Variants in GAREM1 observed in about 807,000 individuals in gnomAD.
GAREM1 encodes the protein GRB2 associated regulator of MAPK1 subtype 1.
In GAREM1, 26 loss-of-function variants were observed where a neutral mutation model predicts 71.3. The ratio of observed to expected loss-of-function variants is 0.36; its 90% CI spans 0.27 to 0.51. The LOEUF (loss-of-function observed/expected upper bound fraction) is 0.51. Among genes scored for constraint, GAREM1 ranks in the 20% least tolerant of loss-of-function variants. GAREM1 has a pLI of 0.95. For synonymous variants in GAREM1, 440 were observed against 433.2 expected, an observed-to-expected ratio of 1.02 and a Z score of -0.20; for missense variants, 1,026 against 1,103.1, an observed-to-expected ratio of 0.93 and a Z score of 0.99.
At chr18:32,355,251 C>T (rs552428260) in intron 2 of GAREM1, among the ~76,000 whole-genome samples, 11 of 152,164 alleles carry the variant, frequency 7.2e-5, no homozygotes, top group African/African-American at 2.2e-4. Context: ...CAAAATTTTA[C>T]AAATCTACAT....
At chr18:32,364,026 A>ATATATATATATT (rs1336753011) in intron 2 of GAREM1, among the ~76,000 whole-genome samples, 8 of 46,398 alleles carry the variant, frequency 1.7e-4, no homozygotes, top group Admixed American at 2.2e-4. Flanking sequence ...ATATATATAT[A>ATATATATATATT]TGTTTTTTTT....
intron 1 of GAREM1, among the ~76,000 whole-genome samples, chr18:32,394,105 C>T (rs2048228753): frequency 1.3e-5 from 2 of 152,154 alleles, no homozygotes; most frequent in African/African-American, 4.8e-5. Context: ...AACAGTAATG[C>T]AACAATCTTT....
chr18:32,384,896 G>T (rs970920943), intron 2 of GAREM1, among the ~76,000 whole-genome samples: 1 of 152,112 alleles, frequency 6.6e-6, no homozygotes. Flanking sequence ...ACCAATGTGT[G>T]AAAGATACAT....
chr18:32,400,945 C>G (rs770080328), intron 1 of GAREM1, among the ~76,000 whole-genome samples: 3 of 151,980 alleles, frequency 2.0e-5, no homozygotes, highest in Non-Finnish European at 4.4e-5. Flanking sequence ...CAATGATAGA[C>G]AGGATTAAGA....
At chr18:32,305,923 C>G (rs2047250725) in intron 3 of GAREM1, among the ~76,000 whole-genome samples, 1 of 152,194 alleles carries the variant, frequency 6.6e-6, no homozygotes, top group Non-Finnish European at 1.5e-5. Context: ...AGAACCTCAA[C>G]TCTCATTAAA....
chr18:32,369,062 C>T (rs2047952800), intron 2 of GAREM1, among the ~76,000 whole-genome samples: 1 of 152,192 alleles, frequency 6.6e-6, no homozygotes, highest in Non-Finnish European at 1.5e-5. Flanking sequence ...CTACTTTTAT[C>T]ATATTGCCTT....
At chr18:32,288,955 A>AT (rs1324920086) in intron 3 of GAREM1, among the ~76,000 whole-genome samples, 1 of 152,178 alleles carries the variant, frequency 6.6e-6, no homozygotes, top group Non-Finnish European at 1.5e-5. Flanking sequence ...ATATAGATGG[A>AT]TTTTTCCAAT....
intron 2 of GAREM1, among the ~76,000 whole-genome samples, chr18:32,366,928 G>A (rs2047933341): frequency 6.6e-6 from 1 of 151,982 alleles, no homozygotes; most frequent in South Asian, 2.1e-4. Flanking sequence ...ATGATATTAG[G>A]GTCACACACT....
intron 2 of GAREM1, among the ~76,000 whole-genome samples, chr18:32,364,020 A>ATGTTTTTTTT (rs1333086760): frequency 4.0e-5 from 2 of 49,542 alleles, no homozygotes; most frequent in African/African-American, 1.5e-4. Flanking sequence ...ATATATATAT[A>ATGTTTTTTTT]TATATATGTT....
intron 3 of GAREM1, among the ~76,000 whole-genome samples, chr18:32,288,507 A>G (rs916665345): frequency 9.2e-5 from 14 of 151,940 alleles, no homozygotes; most frequent in African/African-American, 3.1e-4. Context: ...AAATGTTTTC[A>G]TGAATGCTGA....
At position 32,270,280 on chromosome 18, in the gene GAREM1, G is replaced by C; in HGVS notation, c.1670C>G (p.Ala557Gly). 6.2e-7 allele frequency: 1 copy of C among 1,613,918 alleles called. No individual in the cohort carries two copies. ...PSIPPRTVKPARQQTRSPSPT... is the reference protein window; with the variant it reads ...PSIPPRTVKPGRQQTRSPSPT... Reference sequence around the variant, plus strand: ...GCTGGGAGAGCGAGTCTGTTGCCGCGCTGGCTTGACTGTGCGAGGAGGGAT... The same window carrying C: ...GCTGGGAGAGCGAGTCTGTTGCCGCCCTGGCTTGACTGTGCGAGGAGGGAT... The change falls in exon 5 of 6, where the codon GCG (alanine) becomes GGG (glycine). Residue 557 changes from alanine to glycine, a missense_variant. By Grantham distance (60) the Ala-to-Gly change is moderately conservative. This residue lies in a region of GAREM1 where 636 missense variants were observed against 631.2 expected (regional missense o/e 1.01). Transcript: ENST00000269209.
chr18:32,355,532 T>C (rs2047796149), intron 2 of GAREM1, among the ~76,000 whole-genome samples: 1 of 152,210 alleles, frequency 6.6e-6, no homozygotes, highest in African/African-American at 2.4e-5. Flanking sequence ...ATGCTCAATG[T>C]TTCATCACTA....
At chr18:32,297,809 G>T (rs183024873) in intron 3 of GAREM1, among the ~76,000 whole-genome samples, 1 of 152,250 alleles carries the variant, frequency 6.6e-6, no homozygotes, top group African/African-American at 2.4e-5. Flanking sequence ...TGAAAAACTT[G>T]GCGAGTCACC....
chr18:32,457,206 G>GGA (rs143878009), intron 1 of GAREM1, among the ~76,000 whole-genome samples: 1,664 of 101,622 alleles, frequency 0.016, 29 homozygotes, highest in African/African-American at 0.043. Context: ...GTGTAGGGGG[G>GGA]GAGAGAGAGA....
rs559964214 is a variant in GAREM1, at chr18:32,309,222, T to C, written c.393+971A>G. ...AGATTTGCAGGCAATACGATGGGCCTGGTTGGTGGCTTGCTTCTCTGGTCA... is the reference window on the plus strand; with the variant it reads ...AGATTTGCAGGCAATACGATGGGCCCGGTTGGTGGCTTGCTTCTCTGGTCA... On this transcript the variant is annotated intron_variant, in intron 3 of 5. Coordinates refer to ENST00000269209, the MANE Select transcript of GAREM1 (RefSeq NM_001242409.2). 4.0e-5 allele frequency among the ~76,000 whole-genome samples: 6 copies of C among 149,984 alleles called. No individual in the cohort carries two copies. In the East Asian group the frequency reaches 1.2e-3, roughly 29 times the overall value.
intron 1 of GAREM1, among the ~76,000 whole-genome samples, chr18:32,450,190 T>C (rs1379898891): frequency 5.3e-5 from 8 of 152,214 alleles, no homozygotes; most frequent in Admixed American, 4.6e-4. Flanking sequence ...ATCAATCAAC[T>C]TATAACTGAT....
chr18:32,455,193 T>C (rs2048875710), intron 1 of GAREM1, among the ~76,000 whole-genome samples: 1 of 152,180 alleles, frequency 6.6e-6, no homozygotes, highest in South Asian at 2.1e-4. Flanking sequence ...AAGATTTACA[T>C]TGCCCTACAT....
chr18:32,470,766 C>T lies in GAREM1; in HGVS notation c.-338G>A, dbSNP rs1360268827. 6.7e-6 allele frequency among the ~76,000 whole-genome samples: 1 copy of T among 149,958 alleles called. No individual in the cohort carries two copies. The highest frequency in any genetic ancestry group is 1.5e-5 in the Non-Finnish European group (1 of 67,094). On this transcript the variant is annotated 5_prime_UTR_variant, in exon 1 of 6. Coordinates refer to ENST00000269209, the MANE Select transcript of GAREM1 (RefSeq NM_001242409.2). This position sits in a 1 kb window ranked among gnomAD's most constrained non-coding sequence, Gnocchi z 4.4. The stretch of plus-strand genomic sequence containing the variant: ...TCCTCCTCTGGCCCTGGGTCTGCAG[C>T]TGCGGCGGCCGCCCGCTCGCCTCCT...
At chr18:32,426,733 C>T (rs1476760037) in intron 1 of GAREM1, among the ~76,000 whole-genome samples, 3 of 152,162 alleles carry the variant, frequency 2.0e-5, no homozygotes, top group Non-Finnish European at 4.4e-5. Flanking sequence ...AGGAAGGTTA[C>T]AAAATTTATC....
Sources: allele counts gnomAD v4.1 joint callset (sites outside exome capture counted in the v4.1 genomes callset), GRCh38; gene constraint gnomAD v4.1.1; regional missense constraint gnomAD v4.1.1; non-coding constraint Gnocchi (gnomAD v3.1); transcripts MANE v1.5; gene names NCBI Gene and HGNC (gene_info 2026-07-23, HGNC 2026-07-21).